TENM1: variants seen among roughly 807,000 people sequenced by gnomAD.
TENM1 encodes teneurin-1.
A neutral mutation model predicts 174.8 loss-of-function variants in TENM1; 35 were observed. The observed-to-expected ratio is 0.20, with a 90% CI of 0.15 to 0.27. TENM1 has a LOEUF of 0.27. Among genes scored for constraint, TENM1 ranks in the 10% least tolerant of loss-of-function variants. The probability of loss-of-function intolerance (pLI) is 1.00; values close to 1 mark genes in which losing one functional copy is unlikely to be tolerated. For synonymous variants in TENM1, 781 were observed against 798.7 expected, an observed-to-expected ratio of 0.98 and a Z score of 0.37; for missense variants, 1,633 against 2,130.1, an observed-to-expected ratio of 0.77 and a Z score of 4.59.
chrX:124,700,134 T>C (rs919095637), intron 5 of TENM1, among the ~76,000 whole-genome samples: 4 of 111,878 alleles, frequency 3.6e-5, no homozygotes, highest in East Asian at 2.8e-4. Context: ...AACCTAGATA[T>C]GGCCTTCAGA....
At chrX:124,621,110 T>A (rs1423247966) in intron 11 of TENM1, among the ~76,000 whole-genome samples, 3 of 112,292 alleles carry the variant, frequency 2.7e-5, no homozygotes, top group Admixed American at 9.5e-5. Context: ...TGCTTGAGAC[T>A]AGAAGTGTTT....
At chrX:124,651,006 T>C (rs2051294137) in intron 8 of TENM1, among the ~76,000 whole-genome samples, 2 of 112,139 alleles carry the variant, frequency 1.8e-5, no homozygotes, top group South Asian at 7.4e-4. Context: ...GGTATATCTA[T>C]TAAAGTCAAC....
chrX:125,094,568 T>G, the TENM1 span, among the ~76,000 whole-genome samples: 1 of 112,197 alleles, frequency 8.9e-6, no homozygotes, highest in Non-Finnish European at 1.9e-5. Context: ...TCTGACTGAC[T>G]GTCTGGACCA....
At chrX:124,747,202 G>T (rs1351555828) in intron 3 of TENM1, among the ~76,000 whole-genome samples, 1 of 107,047 alleles carries the variant, frequency 9.3e-6, no homozygotes, top group Non-Finnish European at 1.9e-5. Flanking sequence ...AAATAAAAAC[G>T]CAAATTAGTG....
chrX:124,889,279 C>T (rs1466908044), intron 3 of TENM1, among the ~76,000 whole-genome samples: 2 of 111,102 alleles, frequency 1.8e-5, no homozygotes, highest in African/African-American at 6.5e-5. Flanking sequence ...GCTGATGAGA[C>T]CAGTGGTAGA....
intron 18 of TENM1, among the ~76,000 whole-genome samples, chrX:124,511,200 A>G (rs2047575636): frequency 8.9e-6 from 1 of 112,257 alleles, no homozygotes; most frequent in South Asian, 3.7e-4. Flanking sequence ...AACATTTATT[A>G]ACGTTGATTT....
chrX:124,657,603 C>T (rs779281588), intron 6 of TENM1, among the ~76,000 whole-genome samples: 6 of 111,803 alleles, frequency 5.4e-5, no homozygotes, highest in Non-Finnish European at 9.4e-5. Context: ...AGGTAAATAA[C>T]TATATTCTGC....
chrX:124,556,053 T>C (rs747831371), intron 14 of TENM1, among the ~76,000 whole-genome samples: 1 of 112,124 alleles, frequency 8.9e-6, no homozygotes, highest in South Asian at 3.7e-4. Context: ...AAGCATTTTG[T>C]TGAAGAATTG....
At chrX:124,918,751 A>G (rs1004426885) in intron 1 of TENM1, among the ~76,000 whole-genome samples, 1 of 111,602 alleles carries the variant, frequency 9.0e-6, no homozygotes, top group African/African-American at 3.3e-5. Context: ...TTAAAGATAC[A>G]GTCATCACAA....
At chrX:124,723,895 G>T (rs144445409) in intron 4 of TENM1, among the ~76,000 whole-genome samples, 1 of 111,234 alleles carries the variant, frequency 9.0e-6, no homozygotes, top group Non-Finnish European at 1.9e-5. Context: ...AACCATGCCC[G>T]GCCGAAGCTG....
At chrX:124,979,174 G>A in the TENM1 span, among the ~76,000 whole-genome samples, 9 of 112,753 alleles carry the variant, frequency 8.0e-5, no homozygotes, top group Admixed American at 7.5e-4. Context: ...AGCAGTCCCA[G>A]GCCTAATCAT....
At chrX:125,070,037 A>T in the TENM1 span, among the ~76,000 whole-genome samples, 18 of 110,191 alleles carry the variant, frequency 1.6e-4, no homozygotes, top group East Asian at 4.6e-3. Flanking sequence ...AAAAAATTTT[A>T]AAAATTAGCT....
chrX:125,135,648 TG>T, the TENM1 span, among the ~76,000 whole-genome samples: 29 of 111,896 alleles, frequency 2.6e-4, no homozygotes, highest in African/African-American at 7.5e-4. Context: ...TTATTAACAT[TG>T]CAATGAATGT....
intron 1 of TENM1, among the ~76,000 whole-genome samples, chrX:124,916,205 C>A (rs934908914): frequency 1.8e-5 from 2 of 111,829 alleles, no homozygotes; most frequent in East Asian, 2.8e-4. Flanking sequence ...CAGTCTTTGC[C>A]ACAATTATAA....
At chrX:124,844,660 T>C (rs2056572455) in intron 3 of TENM1, among the ~76,000 whole-genome samples, 1 of 111,834 alleles carries the variant, frequency 8.9e-6, no homozygotes, top group African/African-American at 3.2e-5. Flanking sequence ...TGAGAAATAA[T>C]ATGTCACTGA....
intron 3 of TENM1, among the ~76,000 whole-genome samples, chrX:124,775,051 C>T (rs1181554255): frequency 2.7e-5 from 3 of 110,752 alleles, no homozygotes; most frequent in Non-Finnish European, 5.7e-5. Flanking sequence ...TATAATAGAA[C>T]AACTAGATAG....
chrX:124,921,900 CTTT>C (rs1329733739), intron 1 of TENM1, among the ~76,000 whole-genome samples: 1 of 111,541 alleles, frequency 9.0e-6, no homozygotes, highest in Non-Finnish European at 1.9e-5. Flanking sequence ...TTCATTAATA[CTTT>C]TTATATTGAT....
At chrX:125,142,395 T>G in the TENM1 span, among the ~76,000 whole-genome samples, 3 of 111,202 alleles carry the variant, frequency 2.7e-5, no homozygotes, top group South Asian at 1.2e-3. Context: ...CCTCAGAGCT[T>G]TAGTACTCCA....
At chrX:124,780,542 C>A (rs2054883493) in intron 3 of TENM1, among the ~76,000 whole-genome samples, 1 of 111,315 alleles carries the variant, frequency 9.0e-6, no homozygotes, top group African/African-American at 3.3e-5. Context: ...CCAAATATAC[C>A]TGCAAATGAC....
Sources: allele counts gnomAD v4.1 joint callset (sites outside exome capture counted in the v4.1 genomes callset), GRCh38; gene constraint gnomAD v4.1.1; transcripts MANE v1.5; gene names NCBI Gene and HGNC (gene_info 2026-07-23, HGNC 2026-07-21).